IGSF21: variants seen among roughly 807,000 people sequenced by gnomAD.
The protein encoded by IGSF21 is immunoglobin superfamily member 21, also known as immunoglobulin superfamily member 21.
In IGSF21, 28 loss-of-function variants were observed where a neutral mutation model predicts 46.8. The ratio of observed to expected loss-of-function variants is 0.60; its 90% CI spans 0.44 to 0.82. The LOEUF (loss-of-function observed/expected upper bound fraction) is 0.82. Ranked by LOEUF, IGSF21 falls within the 40% of genes least tolerant of loss-of-function variation. IGSF21 has a pLI of 0.00. For synonymous variants in IGSF21, 284 were observed against 273.6 expected, an observed-to-expected ratio of 1.04 and a Z score of -0.38; for missense variants, 624 against 665.5, an observed-to-expected ratio of 0.94 and a Z score of 0.69.
chr1:18,280,861 G>A (rs1439852509), intron 2 of IGSF21, among the ~76,000 whole-genome samples: 11 of 152,124 alleles, frequency 7.2e-5, no homozygotes, highest in Non-Finnish European at 1.3e-4. Context: ...TGCCCCGAAG[G>A]CTCTGCTTCA....
chr1:18,119,262 G>A (rs1419857321), intron 1 of IGSF21, among the ~76,000 whole-genome samples: 2 of 152,226 alleles, frequency 1.3e-5, no homozygotes, highest in Non-Finnish European at 2.9e-5. Flanking sequence ...GGGCAAATAG[G>A]CAAGTTCTTG....
At chr1:18,220,272 CCT>C (rs1199756866) in intron 1 of IGSF21, among the ~76,000 whole-genome samples, 2 of 152,134 alleles carry the variant, frequency 1.3e-5, no homozygotes, top group African/African-American at 2.4e-5. Context: ...GTGCTGATTT[CCT>C]CTGTTGGATG....
chr1:18,316,541 G>A (rs1012376382), intron 3 of IGSF21, among the ~76,000 whole-genome samples: 3 of 152,092 alleles, frequency 2.0e-5, no homozygotes, highest in Non-Finnish European at 2.9e-5. Flanking sequence ...CCCTGCCCCC[G>A]TATTTCATAG....
In IGSF21 at chr1:18,109,741, G is replaced by A. The variant is rs534619552; in HGVS notation, c.70+1543G>A. ...TCAAAATGTCCCCCCTCAACTTTGG[G>A]AGGAGGGCTCTAGAGGGAAAGGTTA... On this transcript the variant is annotated intron_variant, in intron 1 of 9. Coordinates refer to ENST00000251296, the MANE Select transcript of IGSF21 (RefSeq NM_032880.5). The surrounding 1 kb of genome is among the most constrained non-coding windows in gnomAD (Gnocchi z 4.8). 6.6e-6 allele frequency: 1 copy of A among 152,282 alleles called. No individual in the cohort carries two copies. Among genetic ancestry groups the A allele is most frequent in the East Asian group, 2.0e-4 (1 of 5,124 alleles). 9.4% of individuals were successfully genotyped at this position (152,282 alleles called of 1,614,324 possible). A position where few individuals can be genotyped will look rare whatever the true frequency, so the allele number is the denominator to read the frequency against.
intron 1 of IGSF21, among the ~76,000 whole-genome samples, chr1:18,226,424 G>A (rs1019440569): frequency 2.0e-5 from 3 of 152,218 alleles, no homozygotes; most frequent in South Asian, 4.1e-4. Flanking sequence ...AGGAGGATCC[G>A]GGTTGGTCCT....
In IGSF21 at chr1:18,322,380, G is replaced by A. The variant is rs938663628; in HGVS notation, c.306-12512G>A. Among the ~76,000 whole-genome samples, 3 of 152,096 alleles carry A rather than the reference G, an allele frequency of 2.0e-5. No homozygotes were observed. Among genetic ancestry groups the A allele is most frequent in the African/African-American group, 7.2e-5 (3 of 41,410 alleles). On this transcript the variant is annotated intron_variant, in intron 3 of 9. Coordinates refer to ENST00000251296, the MANE Select transcript of IGSF21 (RefSeq NM_032880.5). This position sits in a 1 kb window ranked among gnomAD's most constrained non-coding sequence, Gnocchi z 4.3. ...GCCCGTCTTCCCTCTTCTGGTGGAG[G>A]CAGGCTTGGTTCCAACAGGCTTGGG...
At chr1:18,126,971 A>T (rs2124412864) in intron 1 of IGSF21, among the ~76,000 whole-genome samples, 1 of 152,236 alleles carries the variant, frequency 6.6e-6, no homozygotes, top group East Asian at 1.9e-4. Context: ...ATCCCATTAG[A>T]TGCCCCTCAC....
At chr1:18,126,665 C>T (rs2086276606) in intron 1 of IGSF21, among the ~76,000 whole-genome samples, 1 of 152,146 alleles carries the variant, frequency 6.6e-6, no homozygotes, top group African/African-American at 2.4e-5. Context: ...CTCTGCCAGC[C>T]CAACTGGCCT....
intron 2 of IGSF21, among the ~76,000 whole-genome samples, chr1:18,255,689 T>C (rs933861890): frequency 5.3e-5 from 8 of 152,132 alleles, no homozygotes; most frequent in Admixed American, 3.3e-4. Context: ...TTGAGAGTCA[T>C]CCTCAACCCC....
intron 1 of IGSF21, among the ~76,000 whole-genome samples, chr1:18,108,884 T>C (rs1207204746): frequency 5.3e-5 from 8 of 151,676 alleles, no homozygotes; most frequent in Admixed American, 5.3e-4. Context: ...AGTCGTGGGC[T>C]TCATGGGGCT....
Position 18,273,354 on chromosome 1 carries a change from C to CCTTTG in IGSF21, c.184-18508_184-18507insGCTTT, listed in dbSNP as rs1450525822. Among the ~76,000 whole-genome samples, 137 of 109,800 alleles carry CCTTTG rather than the reference C, an allele frequency of 1.2e-3. 5 individuals are homozygous for CCTTTG. The highest frequency in any genetic ancestry group is 5.8e-3 in the African/African-American group (135 of 23,114). 72.0% of individuals were successfully genotyped at this position (109,800 alleles called of 152,430 possible). ...CCATTCCTTTCCTTTCCTTTCCTTT[C>CCTTTG]CTTTCCTTTCCTTTCCTTTCCTTTC... is the stretch of plus-strand genomic sequence containing the variant. On this transcript the variant is annotated intron_variant, in intron 2 of 9. Coordinates refer to ENST00000251296, the MANE Select transcript of IGSF21 (RefSeq NM_032880.5).
At chr1:18,336,213 A>G (rs1329377035) in intron 4 of IGSF21, among the ~76,000 whole-genome samples, 1 of 152,192 alleles carries the variant, frequency 6.6e-6, no homozygotes, top group Non-Finnish European at 1.5e-5. Context: ...CATAAAACAC[A>G]TGCATAGATG....
At chr1:18,250,264 GTTCCTTC>G (rs2124526331) in intron 2 of IGSF21, among the ~76,000 whole-genome samples, 1 of 152,136 alleles carries the variant, frequency 6.6e-6, no homozygotes, top group East Asian at 1.9e-4. Context: ...CAGTTTGGGA[GTTCCTTC>G]AGGAGCAAAT....
At chr1:18,371,216 C>T (rs1211157658) in intron 6 of IGSF21, among the ~76,000 whole-genome samples, 1 of 152,118 alleles carries the variant, frequency 6.6e-6, no homozygotes, top group Non-Finnish European at 1.5e-5. Context: ...TAACAAAATA[C>T]TTTTTATCAA....
At chr1:18,252,278 T>G (rs1454374567) in intron 2 of IGSF21, among the ~76,000 whole-genome samples, 2 of 152,086 alleles carry the variant, frequency 1.3e-5, no homozygotes, top group African/African-American at 2.4e-5. Flanking sequence ...CTCGATCTCC[T>G]GACCTCGCGA....
chr1:18,361,830 G>A (rs1193513579), intron 4 of IGSF21: 4 of 318,578 alleles, frequency 1.3e-5, no homozygotes, highest in Admixed American at 4.7e-5. Context: ...TGATGCCTCC[G>A]GGGATCTGAT....
chr1:18,303,099 G>A (rs917687428), intron 3 of IGSF21, among the ~76,000 whole-genome samples: 4 of 152,162 alleles, frequency 2.6e-5, no homozygotes, highest in Non-Finnish European at 4.4e-5. Flanking sequence ...CACCAAGGAT[G>A]GGTCTTGTTT....
intron 6 of IGSF21, among the ~76,000 whole-genome samples, chr1:18,374,478 G>A (rs932532191): frequency 5.3e-5 from 8 of 152,222 alleles, no homozygotes; most frequent in Admixed American, 6.5e-5. Context: ...ATCCAAGGGC[G>A]CAAAGAACAG....
chr1:18,145,803 G>A lies in IGSF21; in HGVS notation c.70+37605G>A, dbSNP rs1480668649. On this transcript the variant is annotated intron_variant, in intron 1 of 9. Coordinates refer to ENST00000251296, the MANE Select transcript of IGSF21 (RefSeq NM_032880.5). The stretch of plus-strand genomic sequence containing the variant: ...TGGAGGTTAGGGAAGTCCAAATGAT[G>A]CCCTTGGGCTCCCCTGCCAAGGTCG... 3.9e-5 allele frequency among the ~76,000 whole-genome samples: 6 copies of A among 152,282 alleles called. No individual in the cohort carries two copies. In the East Asian group the frequency reaches 1.2e-3, roughly 29 times the overall value.
Sources: allele counts gnomAD v4.1 joint callset (sites outside exome capture counted in the v4.1 genomes callset), GRCh38; gene constraint gnomAD v4.1.1; non-coding constraint Gnocchi (gnomAD v3.1); transcripts MANE v1.5; gene names NCBI Gene and HGNC (gene_info 2026-07-23, HGNC 2026-07-21).